ANO6: variants seen among roughly 807,000 people sequenced by gnomAD.
ANO6 encodes the protein anoctamin-6.
In ANO6, 106 loss-of-function variants were observed where a neutral mutation model predicts 117.5. The observed-to-expected ratio is 0.90, with a 90% CI of 0.77 to 1.06. The LOEUF (loss-of-function observed/expected upper bound fraction) is 1.06. ANO6 is among the 50% of genes least tolerant of loss of function. ANO6 has a pLI of 0.00. For synonymous variants in ANO6, 367 were observed against 385.1 expected (o/e 0.95, Z 0.55); for missense variants, 955 against 1,121.1 (o/e 0.85, Z 2.12).
chr12:45,406,361 T>G (rs556193673), intron 15 of ANO6, among the ~76,000 whole-genome samples: 80 of 152,366 alleles, frequency 5.3e-4, no homozygotes, highest in Non-Finnish European at 9.7e-4. Context: ...AAGGTATTCC[T>G]GGGGATTTTA....
rs148429447 is a variant in ANO6 at position 45,301,695 on chromosome 12, C to A, written c.71-319C>A. ...CAGTACCCTGTAATAGAAAACAGAA[C>A]ATCAGTAAAGTGTTTCTTAGTTAGA... On this transcript the variant is annotated intron_variant, in intron 1 of 19. Transcript: ENST00000320560. 2.8e-4 allele frequency among the ~76,000 whole-genome samples: 43 copies of A among 151,810 alleles called. 1 individual carries two copies. Among genetic ancestry groups the A allele is most frequent in the South Asian group, 1.3e-3 (6 of 4,786 alleles).
intron 2 of ANO6, among the ~76,000 whole-genome samples, chr12:45,305,337 A>G (rs1377473643): frequency 6.6e-6 from 1 of 152,210 alleles, no homozygotes; most frequent in Admixed American, 6.5e-5. Context: ...GTTTAAGCAC[A>G]ATGAAATCTG....
intron 1 of ANO6, among the ~76,000 whole-genome samples, chr12:45,291,587 A>T (rs1347609253): frequency 6.6e-6 from 1 of 152,152 alleles, no homozygotes; most frequent in Admixed American, 6.5e-5. Context: ...CAGAATATAT[A>T]AATAACTCCT....
At chr12:45,368,918 C>T (rs938780449) in intron 9 of ANO6, among the ~76,000 whole-genome samples, 3 of 152,148 alleles carry the variant, frequency 2.0e-5, no homozygotes, top group South Asian at 2.1e-4. Context: ...ATTTTTACAG[C>T]GTAAAATACT....
intron 1 of ANO6, among the ~76,000 whole-genome samples, chr12:45,241,522 T>A (rs1296019540): frequency 2.6e-5 from 4 of 152,158 alleles, no homozygotes; most frequent in African/African-American, 9.6e-5. Flanking sequence ...GAGAAGTTTG[T>A]TATTACCGAC....
At chr12:45,386,285 A>G (rs184170119) in intron 10 of ANO6, among the ~76,000 whole-genome samples, 1 of 152,202 alleles carries the variant, frequency 6.6e-6, no homozygotes, top group Admixed American at 6.5e-5. Context: ...ATCCATCTCA[A>G]TCCAGATCTT....
At chr12:45,391,603 C>T (rs1195168711) in intron 12 of ANO6, among the ~76,000 whole-genome samples, 2 of 152,150 alleles carry the variant, frequency 1.3e-5, no homozygotes, top group Non-Finnish European at 2.9e-5. Context: ...CATGGTGGCT[C>T]ACGCCTGTAA....
intron 17 of ANO6, among the ~76,000 whole-genome samples, chr12:45,417,989 A>G (rs74081804): frequency 0.018 from 2,751 of 152,242 alleles, 79 homozygotes; most frequent in African/African-American, 0.062. Context: ...TTAATTCCCT[A>G]CCACATATCA....
intron 3 of ANO6, among the ~76,000 whole-genome samples, chr12:45,332,354 AGACT>A (rs1358329754): frequency 1.3e-5 from 2 of 151,558 alleles, no homozygotes; most frequent in African/African-American, 4.8e-5. Flanking sequence ...GTCCCTGTCT[AGACT>A]GTCTCCTTGA....
At chr12:45,369,592 C>T (rs1015420868) in intron 9 of ANO6, among the ~76,000 whole-genome samples, 1 of 150,420 alleles carries the variant, frequency 6.6e-6, no homozygotes, top group African/African-American at 2.4e-5. Flanking sequence ...AAGAAAGAAA[C>T]ATGAAAGAAT....
At chr12:45,244,923 T>C (rs1183488164) in intron 1 of ANO6, among the ~76,000 whole-genome samples, 1 of 152,196 alleles carries the variant, frequency 6.6e-6, no homozygotes, top group Non-Finnish European at 1.5e-5. Flanking sequence ...GAACAATTAA[T>C]GCGGTGACAA....
chr12:45,419,379 T>G (rs1943299033), intron 17 of ANO6, among the ~76,000 whole-genome samples: 1 of 152,200 alleles, frequency 6.6e-6, no homozygotes, highest in Admixed American at 6.5e-5. Flanking sequence ...AAGATATAGT[T>G]GAGTTAAATG....
In ANO6 at chr12:45,368,823, A is replaced by G. The variant is rs77953818; in HGVS notation, c.1104+1030A>G. ...TGCTGTTATACTGATGCCACTTTCT[A>G]TATCATACTTTGCATAGTTCTTATA... is the stretch of plus-strand genomic sequence containing the variant. On this transcript the variant is annotated intron_variant, in intron 9 of 19. Coordinates refer to ENST00000320560, the MANE Select transcript of ANO6 (RefSeq NM_001025356.3). Among the ~76,000 whole-genome samples the G allele has an allele frequency of 4.6e-5, 7 of 152,298 alleles. No homozygotes were observed. In the South Asian group the frequency reaches 6.2e-4, roughly 14 times the overall value.
chr12:45,216,683 G>A (rs1480777244), intron 1 of ANO6, among the ~76,000 whole-genome samples: 1 of 152,242 alleles, frequency 6.6e-6, no homozygotes, highest in Non-Finnish European at 1.5e-5. Flanking sequence ...TCTGCGTGCG[G>A]AAGTCTCCAC....
chr12:45,395,625 T>A (rs1593061563), intron 12 of ANO6, among the ~76,000 whole-genome samples: 1 of 152,150 alleles, frequency 6.6e-6, no homozygotes, highest in African/African-American at 2.4e-5. Flanking sequence ...CAGCAGCACA[T>A]CAAAAAGCTT....
intron 1 of ANO6, among the ~76,000 whole-genome samples, chr12:45,243,632 C>T (rs1216188799): frequency 6.6e-6 from 1 of 151,454 alleles, no homozygotes; most frequent in Non-Finnish European, 1.5e-5. Flanking sequence ...TCACTGCAAC[C>T]TCCGCCTCCT....
chr12:45,419,564 A>G (rs532374844), intron 17 of ANO6, among the ~76,000 whole-genome samples: 21 of 152,096 alleles, frequency 1.4e-4, no homozygotes, highest in Non-Finnish European at 2.6e-4. Context: ...AAGCCCCCTA[A>G]TTGTTTTTTC....
At chr12:45,336,655 A>G (rs1940834019) in intron 3 of ANO6, among the ~76,000 whole-genome samples, 1 of 152,082 alleles carries the variant, frequency 6.6e-6, no homozygotes, top group Non-Finnish European at 1.5e-5. Flanking sequence ...AGCACATACA[A>G]TCATGTATAG....
At chr12:45,337,152 T>C (rs1375155236) in intron 3 of ANO6, among the ~76,000 whole-genome samples, 1 of 152,138 alleles carries the variant, frequency 6.6e-6, no homozygotes, top group East Asian at 1.9e-4. Flanking sequence ...TCTGCAGTAG[T>C]GCACATAATG....
Sources: gnomAD v4.1 joint callset for allele counts (sites outside exome capture counted in the v4.1 genomes callset) on GRCh38, gnomAD v4.1.1 for gene constraint, MANE v1.5 for transcripts, NCBI Gene and HGNC (gene_info 2026-07-23, HGNC 2026-07-21) for gene names.